Variants in HSPH1 observed in about 807,000 individuals in gnomAD.
HSPH1 encodes heat shock protein family H (Hsp110) member 1.
HSPH1 carries 40 observed loss-of-function variants against 100.0 expected under a neutral mutation model. That is an observed-to-expected ratio of 0.40 (90% CI 0.31 to 0.52). The LOEUF is 0.52. Ranked by LOEUF, HSPH1 falls within the 20% of genes least tolerant of loss-of-function variation. HSPH1 has a pLI of 0.54. For missense variants in HSPH1, 876 were observed against 1,015.1 expected (o/e 0.86, Z 1.86); for synonymous variants, 403 against 344.0 (o/e 1.17, Z -1.90).
rs184981162 is a variant in HSPH1, at chr13:31,153,137, G to A, written c.430-186C>T. ...CAGAAACAGTAACTACTTTTGAAAA[G>A]GCTGTCCCAAAATTACAGGATCAAA... On this transcript the variant is annotated intron_variant, in intron 4 of 17. Coordinates refer to ENST00000320027, the MANE Select transcript of HSPH1 (RefSeq NM_006644.4). 5.1e-4 allele frequency among the ~76,000 whole-genome samples: 77 copies of A among 152,214 alleles called. 1 individual carries two copies. The East Asian group carries it at 8.9e-3, about 18-fold the overall frequency.
At chr13:31,162,084 G>A (rs1490147383), upstream of HSPH1, 3 of 1,536,002 alleles carry the variant, frequency 2.0e-6, no homozygotes, top group East Asian at 7.3e-5. Flanking sequence ...GAGAACGGCC[G>A]CCGTTGCCAT....
intron 12 of HSPH1, among the ~76,000 whole-genome samples, chr13:31,141,672 C>T (rs1304770260): frequency 6.6e-6 from 1 of 152,012 alleles, no homozygotes; most frequent in African/African-American, 2.4e-5. Context: ...CATCTTAATT[C>T]CTGTAATATT....
At position 31,137,400 on chromosome 13, in the gene HSPH1, T is replaced by C; in HGVS notation, c.2495A>G (p.Asn832Ser). 4 of 1,613,550 alleles carry C rather than the reference T, an allele frequency of 2.5e-6. No homozygotes were observed. Among genetic ancestry groups the C allele is most frequent in the Non-Finnish European group, 2.5e-6 (3 of 1,179,610 alleles). The change falls in exon 18 of 18, where the codon AAC becomes AGC. Residue 832 changes from asparagine to serine, a missense_variant. Physicochemically the swap from Asn to Ser is conservative, Grantham distance 46. Coordinates refer to ENST00000320027, the MANE Select transcript of HSPH1 (RefSeq NM_006644.4). ...DKKEEDLEDK[N>S]NFGAEPPHQN... is the part of the protein sequence containing the mutation. ...ATGTGGAGGTTCAGCACCAAAATTG[T>C]TTTTGTCTTCTAAATCTTCTTCCTT... is the stretch of plus-strand genomic sequence containing the variant.
At chr13:31,148,285 G>C (rs993524536) in intron 9 of HSPH1, 89 bp downstream of exon 9, 12 of 1,012,672 alleles carry the variant, frequency 1.2e-5, no homozygotes, top group African/African-American at 1.6e-5. Flanking sequence ...TACTAGAGAA[G>C]TCATTTGTTA....
chr13:31,156,579 T>G (rs202243225), intron 2 of HSPH1, among the ~76,000 whole-genome samples: 1 of 139,130 alleles, frequency 7.2e-6, no homozygotes, highest in African/African-American at 2.7e-5. Flanking sequence ...AAAAAAAAAA[T>G]TAAAGTTAAT....
upstream of HSPH1, chr13:31,161,926 T>G: frequency 5.9e-6 from 9 of 1,522,368 alleles, no homozygotes; most frequent in Non-Finnish European, 7.0e-6. Context: ...TCCCACTTCC[T>G]CAGCCTTATG....
At position 31,141,109 on chromosome 13, in the gene HSPH1, T is replaced by C. The variant is rs562973580; in HGVS notation, c.1854+13A>G. Reference sequence around the variant, plus strand: ...CATATTTCAAAATAAAAATATTTAATTGAAGTACTTACCTCTGTCTCAATA... The same window carrying C: ...CATATTTCAAAATAAAAATATTTAACTGAAGTACTTACCTCTGTCTCAATA... On this transcript the variant is annotated intron_variant, in intron 13 of 17. Coordinates refer to ENST00000320027, the MANE Select transcript of HSPH1 (RefSeq NM_006644.4). The C allele has an allele frequency of 8.8e-6, 13 of 1,484,536 alleles. No homozygotes were observed. The highest frequency in any genetic ancestry group is 2.9e-5 in the African/African-American group (2 of 69,924). 92.0% of individuals were successfully genotyped at this position (1,484,536 alleles called of 1,614,324 possible). A position where few individuals can be genotyped will look rare whatever the true frequency, so the allele number is the denominator to read the frequency against.
rs1265945580 is a variant in HSPH1 at position 31,154,775 on chromosome 13, T to C, written c.307-20A>G. ...CATTACCTATATTGAAGGGAAAAAATGTTTTAAACATTGTAGTACTTTAAG... is the reference window on the plus strand; with the variant it reads ...CATTACCTATATTGAAGGGAAAAAACGTTTTAAACATTGTAGTACTTTAAG... On this transcript the variant is annotated intron_variant, in intron 3 of 17. Transcript: ENST00000320027. 1 of 1,606,040 alleles carries C rather than the reference T, an allele frequency of 6.2e-7. No individual in the cohort carries two copies. The highest frequency in any genetic ancestry group is 8.5e-7 in the Non-Finnish European group (1 of 1,174,472).
intron 1 of HSPH1, among the ~76,000 whole-genome samples, chr13:31,159,650 G>A (rs1446997990): frequency 6.6e-6 from 1 of 152,036 alleles, no homozygotes; most frequent in Non-Finnish European, 1.5e-5. Flanking sequence ...ATCTAATTCT[G>A]GATTACTAAT....
chr13:31,158,906 T>A, intron 1 of HSPH1, 43 bp from the exon 2 acceptor site: 1 of 1,239,748 alleles, frequency 8.1e-7, no homozygotes, highest in South Asian at 1.2e-5. Flanking sequence ...GCATAAAGGT[T>A]GATATTTTAA....
rs1403655592 is a variant in HSPH1, at chr13:31,161,746, G to A, written c.-164C>T. 6.5e-7 allele frequency: 1 copy of A among 1,530,662 alleles called. No homozygotes were observed. The highest frequency in any genetic ancestry group is 1.4e-5 in the African/African-American group (1 of 72,908). The allele number at this position is 1,530,662 out of a possible 1,614,324, so 94.8% of individuals were successfully genotyped here. A position where few individuals can be genotyped will look rare whatever the true frequency, so the allele number is the denominator to read the frequency against. On this transcript the variant is annotated 5_prime_UTR_variant, in exon 1 of 18. Coordinates refer to ENST00000320027, the MANE Select transcript of HSPH1 (RefSeq NM_006644.4). ...AAGGACACACAGACAGCCGCGGCCTGTCAGGAGCCTCCTACTCCCCCGGGG... is the reference window on the plus strand; with the variant it reads ...AAGGACACACAGACAGCCGCGGCCTATCAGGAGCCTCCTACTCCCCCGGGG...
chr13:31,140,344 C>T (rs1234600229), intron 13 of HSPH1, 35 bp from the exon 14 acceptor site: 1 of 1,589,504 alleles, frequency 6.3e-7, no homozygotes. Context: ...TTCCAGTCTT[C>T]TAGTTAACTC....
At chr13:31,138,598 G>T in intron 16 of HSPH1, 30 bp from the exon 17 acceptor site, 2 of 1,583,044 alleles carry the variant, frequency 1.3e-6, no homozygotes, top group Non-Finnish European at 1.7e-6. Flanking sequence ...TCATTCTGTA[G>T]AATTTATTGA....
chr13:31,160,408 T>C (rs1047918461), intron 1 of HSPH1, among the ~76,000 whole-genome samples: 9 of 152,220 alleles, frequency 5.9e-5, no homozygotes, highest in African/African-American at 1.9e-4. Flanking sequence ...ACCCAAATAA[T>C]TGTATTACCC....
chr13:31,159,154 T>G (rs1463163513), intron 1 of HSPH1, among the ~76,000 whole-genome samples: 1 of 152,220 alleles, frequency 6.6e-6, no homozygotes, highest in Non-Finnish European at 1.5e-5. Context: ...GAAAATGTTT[T>G]AAATATGTTA....
chr13:31,147,313 A>G (rs1000904770), intron 10 of HSPH1, among the ~76,000 whole-genome samples: 5 of 152,152 alleles, frequency 3.3e-5, no homozygotes, highest in African/African-American at 1.2e-4. Flanking sequence ...AGTAGTAAGA[A>G]AGAAAACACA....
intron 1 of HSPH1, among the ~76,000 whole-genome samples, chr13:31,159,291 G>A (rs1266488026): frequency 2.6e-5 from 4 of 152,038 alleles, no homozygotes; most frequent in South Asian, 4.1e-4. Flanking sequence ...ATATACCACC[G>A]GCTTCTTTAG....
At chr13:31,148,203 A>G in intron 9 of HSPH1, 111 bp from the exon 10 acceptor site, 2 of 1,196,710 alleles carry the variant, frequency 1.7e-6, no homozygotes, top group East Asian at 2.4e-5. Context: ...CTATCTCATC[A>G]TTTACAATAC....
rs1489660089 is a variant in HSPH1, at chr13:31,151,203, G to C, written c.664-12C>G. ...GCTGTTCCCAGTACCTAATTTGGTT[G>C]AAACAACAAATAGTCTGGTTATTTT... On this transcript the variant is annotated splice_polypyrimidine_tract_variant and intron_variant, in intron 6 of 17. Transcript: ENST00000320027. 1 of 1,585,984 alleles carries C rather than the reference G, an allele frequency of 6.3e-7. No individual in the cohort carries two copies. The highest frequency in any genetic ancestry group is 8.6e-7 in the Non-Finnish European group (1 of 1,165,228).
Sources: allele counts gnomAD v4.1 joint callset (sites outside exome capture counted in the v4.1 genomes callset), GRCh38; gene constraint gnomAD v4.1.1; transcripts MANE v1.5; gene names NCBI Gene and HGNC (gene_info 2026-07-23, HGNC 2026-07-21).